The following FAM135B variants were observed in gnomAD, a reference collection of about 807,000 sequenced individuals.
FAM135B encodes the protein protein FAM135B.
A neutral mutation model predicts 127.7 loss-of-function variants in FAM135B; 43 were observed. The ratio of observed to expected loss-of-function variants is 0.34; its 90% CI spans 0.26 to 0.43. The LOEUF (loss-of-function observed/expected upper bound fraction) is 0.43, where lower values mean the gene tolerates loss of function less well. Among genes scored for constraint, FAM135B ranks in the 20% least tolerant of loss-of-function variants. FAM135B has a pLI of 1.00. For missense variants in FAM135B, 1,558 were observed against 1,725.6 expected, an observed-to-expected ratio of 0.90 and a Z score of 1.72; for synonymous variants, 670 against 665.1, an observed-to-expected ratio of 1.01 and a Z score of -0.11.
chr8:138,376,629 T>C (rs533486171), intron 1 of FAM135B, among the ~76,000 whole-genome samples: 177 of 152,364 alleles, frequency 1.2e-3, no homozygotes, highest in African/African-American at 4.2e-3. Context: ...TGAGCTTTAA[T>C]CTATTTCCTT....
intron 1 of FAM135B, among the ~76,000 whole-genome samples, chr8:138,487,697 T>G (rs1364779174): frequency 6.6e-6 from 1 of 151,926 alleles, no homozygotes; most frequent in Non-Finnish European, 1.5e-5. Flanking sequence ...CAACTGAAGT[T>G]TAAAACACAC....
intron 2 of FAM135B, among the ~76,000 whole-genome samples, chr8:138,330,055 G>C (rs1278307191): frequency 6.6e-6 from 1 of 152,134 alleles, no homozygotes; most frequent in Non-Finnish European, 1.5e-5. Context: ...TGATGGGCTT[G>C]TTCTTGCCCA....
chr8:138,150,213 C>G (rs117922016), intron 13 of FAM135B, among the ~76,000 whole-genome samples: 1 of 152,234 alleles, frequency 6.6e-6, no homozygotes, highest in Non-Finnish European at 1.5e-5. Flanking sequence ...TCTGGCATTA[C>G]AAAGGTAAAC....
At chr8:138,378,334 A>C (rs1404740116) in intron 1 of FAM135B, among the ~76,000 whole-genome samples, 1 of 152,226 alleles carries the variant, frequency 6.6e-6, no homozygotes, top group African/African-American at 2.4e-5. Flanking sequence ...CAGTCCAAGC[A>C]ATACAGAGGC....
In FAM135B at chr8:138,148,650, C is replaced by T. The variant is rs1168082806; in HGVS notation, c.3318G>A (p.Leu1106=). Residue 1106 remains leucine, a synonymous_variant, in exon 14 of 20, where the codon CTG becomes CTA. Coordinates refer to ENST00000395297, the MANE Select transcript of FAM135B (RefSeq NM_015912.4). ...YQAKEKFKKE[L]KIEGFLYSDL... is the part of the protein sequence containing the mutation. ...CACTGTACAGAAATCCTTCAATCTT[C>T]AGTTCTTTTTTAAATTTTTCTTTGG... 1 of 1,607,458 alleles carries T rather than the reference C, an allele frequency of 6.2e-7. No individual in the cohort carries two copies. Among genetic ancestry groups the T allele is most frequent in the Non-Finnish European group, 8.5e-7 (1 of 1,176,980 alleles).
intron 3 of FAM135B, among the ~76,000 whole-genome samples, chr8:138,300,744 CTTTTTTT>C (rs34292545): frequency 0.15 from 15,195 of 100,534 alleles, 1,644 homozygotes; most frequent in East Asian, 0.44. Flanking sequence ...ATTTTATCCA[CTTTTTTT>C]TTTTTTTTTT....
intron 9 of FAM135B, among the ~76,000 whole-genome samples, chr8:138,188,641 A>ATAAGCCTGGGATCTG (rs1815805102): frequency 6.6e-6 from 1 of 152,156 alleles, no homozygotes; most frequent in Admixed American, 6.5e-5. Flanking sequence ...CCTGTTCACT[A>ATAAGCCTGGGATCTG]TAAGCCTGGG....
chr8:138,310,773 C>G, intron 3 of FAM135B, 68 bp downstream of exon 3: 3 of 1,422,480 alleles, frequency 2.1e-6, no homozygotes, highest in Non-Finnish European at 3.0e-6. Context: ...CTGCTGTGCC[C>G]TGGCGAGCAG....
Position 138,153,165 on chromosome 8 carries a change from G to A in FAM135B, c.1310C>T (p.Thr437Ile), listed in dbSNP as rs2130793370. ...TTCCTTGTCTTTCAGATTCATTATT[G>A]TAGGACTTGTCACTGGAACATCAAA... ...PNFDVPVTSP[T>I]IMNLKDKEDN... is the part of the protein sequence containing the mutation. The change falls in exon 13 of 20, where the codon ACA becomes ATA. Residue 437 changes from threonine (T) to isoleucine (I), a missense_variant. Transcript: ENST00000395297. 1.2e-6 allele frequency: 2 copies of A among 1,604,938 alleles called. No homozygotes were observed. The highest frequency in any genetic ancestry group is 1.1e-5 in the South Asian group (1 of 89,978).
chr8:138,202,889 T>C (rs986951991), intron 7 of FAM135B, among the ~76,000 whole-genome samples: 1 of 152,072 alleles, frequency 6.6e-6, no homozygotes, highest in African/African-American at 2.4e-5. Flanking sequence ...GGGACACAGT[T>C]TGGTTTGAAG....
chr8:138,242,070 C>T lies in FAM135B; in HGVS notation c.669+872G>A, dbSNP rs899173945. On this transcript the variant is annotated intron_variant, in intron 7 of 19. Coordinates refer to ENST00000395297, the MANE Select transcript of FAM135B (RefSeq NM_015912.4). The surrounding 1 kb of genome is among the most constrained non-coding windows in gnomAD (Gnocchi z 9.6). ...CTTTAGCCTTGGACTGGAATGATAC[C>T]ACCTGCACTCTTGGGTCTCCAGCTT... 3.3e-5 allele frequency among the ~76,000 whole-genome samples: 5 copies of T among 152,022 alleles called. No homozygotes were observed. The highest frequency in any genetic ancestry group is 9.6e-5 in the African/African-American group (4 of 41,486).
chr8:138,483,995 C>G (rs2131684875), intron 1 of FAM135B, among the ~76,000 whole-genome samples: 1 of 152,266 alleles, frequency 6.6e-6, no homozygotes, highest in African/African-American at 2.4e-5. Context: ...TTAGTAAATG[C>G]TCCTTTTTTC....
chr8:138,476,002 C>T (rs547167475), intron 1 of FAM135B, among the ~76,000 whole-genome samples: 3 of 152,020 alleles, frequency 2.0e-5, no homozygotes, highest in Admixed American at 6.6e-5. Flanking sequence ...AACTATGGTA[C>T]GTCTAGATGA....
chr8:138,277,919 T>C (rs1044100119), intron 3 of FAM135B, among the ~76,000 whole-genome samples: 2 of 152,144 alleles, frequency 1.3e-5, no homozygotes, highest in Non-Finnish European at 2.9e-5. Flanking sequence ...AGATGCTCCT[T>C]GCTTTTGAAG....
At chr8:138,193,944 T>C (rs1208581197) in intron 9 of FAM135B, among the ~76,000 whole-genome samples, 1 of 152,172 alleles carries the variant, frequency 6.6e-6, no homozygotes, top group Non-Finnish European at 1.5e-5. Context: ...ACACAGTGGC[T>C]GCCTTGAGGC....
At chr8:138,305,878 A>G (rs1236652529) in intron 3 of FAM135B, among the ~76,000 whole-genome samples, 1 of 152,214 alleles carries the variant, frequency 6.6e-6, no homozygotes, top group Non-Finnish European at 1.5e-5. Context: ...ATAGACATTT[A>G]TATGTATAGG....
At chr8:138,145,021 AT>A (rs1325392575) in intron 15 of FAM135B, among the ~76,000 whole-genome samples, 6 of 151,540 alleles carry the variant, frequency 4.0e-5, no homozygotes, top group Non-Finnish European at 7.4e-5. Flanking sequence ...GTTTAGTTTT[AT>A]TTTATTTTTT....
intron 1 of FAM135B, among the ~76,000 whole-genome samples, chr8:138,435,763 G>C (rs1176141453): frequency 6.6e-6 from 1 of 152,094 alleles, no homozygotes; most frequent in East Asian, 1.9e-4. Flanking sequence ...CCTCTGGTCT[G>C]CTCTCAAAAT....
In FAM135B at chr8:138,345,758, G is replaced by A. The variant is rs139250234; in HGVS notation, c.77+22149C>T. Among the ~76,000 whole-genome samples the A allele has an allele frequency of 3.0e-4, 46 of 152,266 alleles. 1 individual carries two copies. The Middle Eastern group carries it at 0.014, about 45-fold the overall frequency. On this transcript the variant is annotated intron_variant, in intron 2 of 19. Coordinates refer to ENST00000395297, the MANE Select transcript of FAM135B (RefSeq NM_015912.4). ...ATGACTTTCAGTCATTCCTGAATTCGCCAAAGGAAAATCAGACTCTGCCTT... is the reference window on the plus strand; with the variant it reads ...ATGACTTTCAGTCATTCCTGAATTCACCAAAGGAAAATCAGACTCTGCCTT...
Sources: allele counts gnomAD v4.1 joint callset (sites outside exome capture counted in the v4.1 genomes callset), GRCh38; gene constraint gnomAD v4.1.1; non-coding constraint Gnocchi (gnomAD v3.1); transcripts MANE v1.5; gene names NCBI Gene and HGNC (gene_info 2026-07-23, HGNC 2026-07-21).